The following RSRP1 variants were observed in gnomAD, a reference collection of about 807,000 sequenced individuals.
RSRP1 encodes arginine/serine-rich protein 1.
RSRP1 carries 37 observed loss-of-function variants against 33.0 expected under a neutral mutation model. That is an observed-to-expected ratio of 1.12 (90% CI 0.86 to 1.48). RSRP1 has a LOEUF of 1.48. RSRP1 is among the 40% of genes most tolerant of loss of function. RSRP1 has a pLI of 0.00. For synonymous variants in RSRP1, 167 were observed against 158.7 expected (o/e 1.05, Z -0.40); for missense variants, 402 against 385.3 (o/e 1.04, Z -0.36).
chr1:25,252,112 G>A (rs982692844), upstream of RSRP1, among the ~76,000 whole-genome samples: 1 of 152,006 alleles, frequency 6.6e-6, no homozygotes, highest in Admixed American at 6.6e-5. Flanking sequence ...CACTCAGGCT[G>A]GAGTGCAGTG....
rs900466580 is a variant in RSRP1, at chr1:25,243,552, T to G, written c.754A>C (p.Asn252His). The G allele has an allele frequency of 6.2e-7, 1 of 1,613,620 alleles. No homozygotes were observed. The highest frequency in any genetic ancestry group is 2.2e-5 in the East Asian group (1 of 44,800). Residue 252 changes from asparagine to histidine, a missense_variant and splice_region_variant, in exon 4 of 5, where the codon AAT (asparagine) becomes CAT (histidine). Coordinates refer to ENST00000243189, the MANE Select transcript of RSRP1 (RefSeq NM_020317.5). ...TQQRSIAFSS[N>H]NSVAKPIQKS... ...GTTCAATGCCTGGATATACTTACATTAGAGCTAAAAGCTATGCTTCTTTGC... is the reference window on the plus strand; with the variant it reads ...GTTCAATGCCTGGATATACTTACATGAGAGCTAAAAGCTATGCTTCTTTGC...
chr1:25,298,469 G>T (rs373281546), intron 1 of RSRP1, among the ~76,000 whole-genome samples: 4 of 126,954 alleles, frequency 3.2e-5, no homozygotes, highest in African/African-American at 1.1e-4. Flanking sequence ...GGAGGGCCCG[G>T]GGGAACCAGA....
rs1253862962 is a variant in RSRP1, at chr1:25,318,474, G to C, written c.-67+19504C>G. 1.5e-5 allele frequency among the ~76,000 whole-genome samples: 2 copies of C among 130,914 alleles called. 1 individual carries two copies. The highest frequency in any genetic ancestry group is 3.6e-5 in the Non-Finnish European group (2 of 55,218). 85.9% of individuals were successfully genotyped at this position (130,914 alleles called of 152,430 possible). ...GTGGTGGCGTGTGCCTGTAGTCCCA[G>C]CTACTGGGGAGGCTGAAGTAGGGGA... On this transcript the variant is annotated intron_variant, in intron 1 of 1. Coordinates refer to the RSRP1 transcript ENST00000561867.
intron 1 of RSRP1, among the ~76,000 whole-genome samples, chr1:25,320,462 G>C (rs181265061): frequency 7.7e-6 from 1 of 129,248 alleles, no homozygotes; most frequent in African/African-American, 2.8e-5. Flanking sequence ...GCCAGAGATC[G>C]TTACTGAGTA....
intron 1 of RSRP1, among the ~76,000 whole-genome samples, chr1:25,315,497 C>CTTTT (rs1285410315): frequency 8.3e-6 from 1 of 120,862 alleles, no homozygotes; most frequent in African/African-American, 3.0e-5. Flanking sequence ...TCTTTTCTTT[C>CTTTT]TTTCTTTTTT....
At chr1:25,296,576 G>A (rs1642975694) in intron 1 of RSRP1, among the ~76,000 whole-genome samples, 2 of 130,212 alleles carry the variant, frequency 1.5e-5, no homozygotes, top group African/African-American at 5.3e-5. Context: ...GTTGGGTTCT[G>A]TATCCCCCTC....
intron 3 of RSRP1, chr1:25,243,961 G>A (rs780182711): frequency 1.7e-6 from 2 of 1,149,214 alleles, no homozygotes; most frequent in Non-Finnish European, 2.2e-6. Flanking sequence ...TAAGGCATTT[G>A]CCAGTTAGGC....
chr1:25,248,664 C>T (rs542507512), upstream of RSRP1, among the ~76,000 whole-genome samples: 1 of 152,280 alleles, frequency 6.6e-6, no homozygotes, highest in African/African-American at 2.4e-5. Context: ...TAGAGGGAGA[C>T]ACAAACTCAC....
intron 1 of RSRP1, among the ~76,000 whole-genome samples, chr1:25,258,056 G>A (rs904200103): frequency 1.5e-4 from 23 of 152,292 alleles, no homozygotes; most frequent in African/African-American, 3.9e-4. Flanking sequence ...TTACCTAACT[G>A]GATGGGAGGA....
At chr1:25,261,687 AG>A (rs1265069998) in intron 1 of RSRP1, among the ~76,000 whole-genome samples, 1 of 142,570 alleles carries the variant, frequency 7.0e-6, no homozygotes, top group African/African-American at 2.6e-5. Context: ...TACAGGCATG[AG>A]CCACCGCGCC....
chr1:25,305,583 T>TTTGTTGTTGTTG lies in RSRP1; in HGVS notation c.-67+32383_-67+32394dup, dbSNP rs200713124. ...GGCTAATTTTCGTGTGTGTATGTAT[T>TTTGTTGTTGTTG]TTGTTGTTGTTGTTGTTGTTGTTGT... On this transcript the variant is annotated intron_variant, in intron 1 of 1. Transcript: ENST00000561867. 2.4e-4 allele frequency among the ~76,000 whole-genome samples: 29 copies of TTTGTTGTTGTTG among 118,922 alleles called. 1 individual carries two copies. Among genetic ancestry groups the TTTGTTGTTGTTG allele is most frequent in the African/African-American group, 8.2e-4 (28 of 33,966 alleles). The allele number at this position is 118,922 out of a possible 152,430, so 78.0% of individuals were successfully genotyped here. A position where few individuals can be genotyped will look rare whatever the true frequency, so the allele number is the denominator to read the frequency against.
chr1:25,299,097 A>AC (rs1643180272), intron 1 of RSRP1, among the ~76,000 whole-genome samples: 1 of 125,554 alleles, frequency 8.0e-6, no homozygotes, highest in Admixed American at 7.7e-5. Flanking sequence ...AAAAAAAAAA[A>AC]CAGGCTGGGA....
At chr1:25,247,604 T>C (rs1206774685), upstream of RSRP1, 1 of 152,304 alleles carries the variant, frequency 6.6e-6, no homozygotes, top group Non-Finnish European at 1.5e-5. Flanking sequence ...CCTCGAGCGC[T>C]TGCCTCCAGG....
chr1:25,285,678 A>G (rs186547493), intron 1 of RSRP1, among the ~76,000 whole-genome samples: 2 of 135,300 alleles, frequency 1.5e-5, no homozygotes, highest in African/African-American at 2.5e-5. Flanking sequence ...AATGTTCTCT[A>G]TGTTCACCTG....
In RSRP1 at chr1:25,267,841, T is replaced by C. The variant is rs1431276802; in HGVS notation, c.-66-20812A>G. ...TACTCTCAAATGGCGTACTCCAAACTAGCACTCCCGACGTCCAGCTGTGAA... is the reference window on the plus strand; with the variant it reads ...TACTCTCAAATGGCGTACTCCAAACCAGCACTCCCGACGTCCAGCTGTGAA... On this transcript the variant is annotated intron_variant, in intron 1 of 1. Coordinates refer to the RSRP1 transcript ENST00000561867. The C allele has an allele frequency of 2.3e-5, 3 of 130,632 alleles. 1 individual carries two copies. The highest frequency in any genetic ancestry group is 2.2e-4 in the Admixed American group (3 of 13,528). 8.1% of individuals were successfully genotyped at this position (130,632 alleles called of 1,614,324 possible). A position where few individuals can be genotyped will look rare whatever the true frequency, so the allele number is the denominator to read the frequency against.
In RSRP1 at chr1:25,311,416, C is replaced by A. The variant is rs1402029473; in HGVS notation, c.-67+26562G>T. Among the ~76,000 whole-genome samples the A allele has an allele frequency of 6.9e-5, 9 of 130,052 alleles. 3 individuals are homozygous for A. Among genetic ancestry groups the A allele is most frequent in the Non-Finnish European group, 1.5e-4 (8 of 54,916 alleles). 85.3% of individuals were successfully genotyped at this position (130,052 alleles called of 152,430 possible). ...GGTGGGCGCCTGTATTCCCAGCTACCTGGGAGGCTGAGGCAGGAGAATGGC... is the reference window on the plus strand; with the variant it reads ...GGTGGGCGCCTGTATTCCCAGCTACATGGGAGGCTGAGGCAGGAGAATGGC... On this transcript the variant is annotated intron_variant, in intron 1 of 1. Transcript: ENST00000561867.
chr1:25,277,954 G>A (rs181923679), intron 1 of RSRP1, among the ~76,000 whole-genome samples: 5 of 133,318 alleles, frequency 3.8e-5, no homozygotes, highest in South Asian at 2.3e-4. Flanking sequence ...GATTACAGGC[G>A]TGAGCCACCG....
chr1:25,246,324 A>C, intron 2 of RSRP1, 120 bp downstream of exon 2: 1 of 1,466,636 alleles, frequency 6.8e-7, no homozygotes, highest in Non-Finnish European at 9.2e-7. Context: ...CTTTCCTCCA[A>C]AAAGATTTCG....
chr1:25,263,720 A>T (rs1031947877), intron 1 of RSRP1, among the ~76,000 whole-genome samples: 10 of 151,802 alleles, frequency 6.6e-5, no homozygotes, highest in Admixed American at 3.9e-4. Flanking sequence ...CCATCCCAAC[A>T]GTCCCTCAAA....
Sources: gnomAD v4.1 joint callset for allele counts (sites outside exome capture counted in the v4.1 genomes callset) on GRCh38, gnomAD v4.1.1 for gene constraint, MANE v1.5 for transcripts, NCBI Gene and HGNC (gene_info 2026-07-23, HGNC 2026-07-21) for gene names.